The following MAF variants were observed in gnomAD, a reference collection of about 807,000 sequenced individuals.
MAF encodes the protein transcription factor Maf.
A neutral mutation model predicts 22.0 loss-of-function variants in MAF; 10 were observed. The ratio of observed to expected loss-of-function variants is 0.45; its 90% CI spans 0.28 to 0.77. The LOEUF is 0.77. Ranked by LOEUF, MAF falls within the 30% of genes least tolerant of loss-of-function variation. The pLI is 0.12. For synonymous variants in MAF, 337 were observed against 255.8 expected (o/e 1.32, Z -3.03); for missense variants, 544 against 548.4 (o/e 0.99, Z 0.08).
the MAF span, among the ~76,000 whole-genome samples, chr16:79,253,440 G>T: frequency 8.5e-4 from 129 of 152,208 alleles, 1 homozygote; most frequent in African/African-American, 2.9e-3. Context: ...CCTCCCCTAG[G>T]TTCCCCATTT....
the MAF span, among the ~76,000 whole-genome samples, chr16:79,550,763 C>A: frequency 6.8e-6 from 1 of 146,054 alleles, no homozygotes; most frequent in Non-Finnish European, 1.5e-5. Flanking sequence ...GAGGAAGAGT[C>A]TCCTGAAATT....
the MAF span, among the ~76,000 whole-genome samples, chr16:79,325,765 A>G: frequency 5.3e-5 from 8 of 152,252 alleles, no homozygotes; most frequent in Admixed American, 3.3e-4. Flanking sequence ...GTTCTTCACT[A>G]GCTTTTGTCT....
intron 1 of MAF, 116 bp from the exon 2 acceptor site, chr16:79,594,669 T>C: frequency 6.6e-7 from 1 of 1,512,744 alleles, no homozygotes; most frequent in Non-Finnish European, 8.8e-7. Flanking sequence ...AGAGACTTAT[T>C]GTAATGAATG....
At chr16:79,542,520 G>A in the MAF span, among the ~76,000 whole-genome samples, 109 of 152,284 alleles carry the variant, frequency 7.2e-4, no homozygotes, top group African/African-American at 2.6e-3. Context: ...AGACATCTCT[G>A]AGGCCCTTGG....
At chr16:79,217,277 G>A in the MAF span, among the ~76,000 whole-genome samples, 3 of 152,182 alleles carry the variant, frequency 2.0e-5, no homozygotes, top group Non-Finnish European at 4.4e-5. Flanking sequence ...TGTGAAGCCA[G>A]CTCCATCTGC....
At chr16:79,293,550 A>T in the MAF span, among the ~76,000 whole-genome samples, 1 of 152,198 alleles carries the variant, frequency 6.6e-6, no homozygotes, top group Non-Finnish European at 1.5e-5. Flanking sequence ...CAAATGAGTG[A>T]TGCTAGACAC....
chr16:79,422,526 C>A, the MAF span, among the ~76,000 whole-genome samples: 2 of 152,112 alleles, frequency 1.3e-5, no homozygotes, highest in Admixed American at 6.5e-5. Context: ...GAGCCTCTTT[C>A]TCTTCATCTT....
the MAF span, among the ~76,000 whole-genome samples, chr16:79,405,511 G>C: frequency 6.6e-6 from 1 of 152,178 alleles, no homozygotes; most frequent in Non-Finnish European, 1.5e-5. Context: ...GGGCATAGAA[G>C]TCACTTCTTC....
At chr16:79,388,834 C>T in the MAF span, among the ~76,000 whole-genome samples, 1 of 152,106 alleles carries the variant, frequency 6.6e-6, no homozygotes, top group Non-Finnish European at 1.5e-5. Context: ...AACTGAGGCC[C>T]AGAGAAGTGA....
the MAF span, among the ~76,000 whole-genome samples, chr16:79,439,461 C>G: frequency 6.6e-6 from 1 of 151,906 alleles, no homozygotes; most frequent in South Asian, 2.1e-4. Flanking sequence ...AGGGTTTCAC[C>G]TTGTTAGCCA....
chr16:79,457,387 T>C, the MAF span, among the ~76,000 whole-genome samples: 3 of 98,978 alleles, frequency 3.0e-5, no homozygotes, highest in South Asian at 4.5e-4. Context: ...AGTAGCACTT[T>C]GGTTTTTTTT....
the MAF span, among the ~76,000 whole-genome samples, chr16:79,390,612 A>G: frequency 6.6e-6 from 1 of 152,210 alleles, no homozygotes; most frequent in Non-Finnish European, 1.5e-5. Context: ...TTGGAGGTGC[A>G]TTCAGCCCCA....
chr16:79,303,942 C>A, the MAF span, among the ~76,000 whole-genome samples: 3 of 152,188 alleles, frequency 2.0e-5, no homozygotes, highest in Non-Finnish European at 4.4e-5. Flanking sequence ...GGTTGATGCA[C>A]TTCGCTCAAA....
At chr16:79,537,589 T>C in the MAF span, among the ~76,000 whole-genome samples, 1 of 152,188 alleles carries the variant, frequency 6.6e-6, no homozygotes, top group Non-Finnish European at 1.5e-5. Flanking sequence ...AGAATTCCGC[T>C]CTGTGGCTCT....
the MAF span, among the ~76,000 whole-genome samples, chr16:79,510,827 C>A: frequency 6.6e-6 from 1 of 152,126 alleles, no homozygotes; most frequent in Non-Finnish European, 1.5e-5. Flanking sequence ...GCATGCAGGC[C>A]CTGAAGGTCA....
the MAF span, among the ~76,000 whole-genome samples, chr16:79,216,808 CTACTT>C: frequency 1.3e-5 from 2 of 150,164 alleles, no homozygotes; most frequent in Admixed American, 1.3e-4. Flanking sequence ...ACTCTATCTG[CTACTT>C]TTTTTTTTTT....
At chr16:79,417,416 A>C in the MAF span, among the ~76,000 whole-genome samples, 1 of 152,220 alleles carries the variant, frequency 6.6e-6, no homozygotes, top group Admixed American at 6.5e-5. Flanking sequence ...TCTATTTTGA[A>C]GGTGGAGGGG....
At chr16:79,217,773 G>C in the MAF span, among the ~76,000 whole-genome samples, 1 of 152,002 alleles carries the variant, frequency 6.6e-6, no homozygotes, top group African/African-American at 2.4e-5. Flanking sequence ...CTTATCAATA[G>C]GAAACAAGAA....
the MAF span, among the ~76,000 whole-genome samples, chr16:79,256,969 G>A: frequency 6.6e-6 from 1 of 152,122 alleles, no homozygotes; most frequent in Admixed American, 6.5e-5. Context: ...ACAAAGTCAG[G>A]AGTTTGAGAC....
Sources: gnomAD v4.1 joint callset for allele counts (sites outside exome capture counted in the v4.1 genomes callset) on GRCh38, gnomAD v4.1.1 for gene constraint, MANE v1.5 for transcripts, NCBI Gene and HGNC (gene_info 2026-07-23, HGNC 2026-07-21) for gene names.